The following STRAP variants were observed in gnomAD, a reference collection of about 807,000 sequenced individuals.
STRAP encodes serine/threonine kinase receptor associated protein.
STRAP carries 16 observed loss-of-function variants against 47.0 expected under a neutral mutation model. That is an observed-to-expected ratio of 0.34 (90% CI 0.23 to 0.52). STRAP has a LOEUF of 0.52. STRAP is among the 20% of genes least tolerant of loss of function. The pLI is 0.96. For synonymous variants in STRAP, 130 were observed against 142.7 expected, an observed-to-expected ratio of 0.91 and a Z score of 0.63; for missense variants, 293 against 420.0, an observed-to-expected ratio of 0.70 and a Z score of 2.64.
chr12:15,885,188 T>G (rs868189311), intron 2 of STRAP, among the ~76,000 whole-genome samples: 4 of 148,204 alleles, frequency 2.7e-5, no homozygotes, highest in East Asian at 1.9e-4. Context: ...GTGTTTTTTT[T>G]TTTTTTTTTT....
In STRAP at chr12:15,890,094, T is replaced by C. The variant is rs1367022865; in HGVS notation, c.330+85T>C. ...CTTTTATACTTGATTGGTGTGTATA[T>C]TTGATTGATATGTTTTGTGTGGAAT... On this transcript the variant is annotated intron_variant, in intron 3 of 9. Coordinates refer to ENST00000419869, the MANE Select transcript of STRAP (RefSeq NM_007178.4). The surrounding 1 kb of genome is among the most constrained non-coding windows in gnomAD (Gnocchi z 4.5). 6.9e-6 allele frequency: 8 copies of C among 1,164,772 alleles called. No homozygotes were observed. The East Asian group carries it at 1.4e-4, about 21-fold the overall frequency. The allele number at this position is 1,164,772 out of a possible 1,614,324, so 72.2% of individuals were successfully genotyped here. A position where few individuals can be genotyped will look rare whatever the true frequency, so the allele number is the denominator to read the frequency against.
chr12:15,883,530 A>G lies in STRAP; in HGVS notation c.113-11A>G. ...ACTTATAAATTACATGTTTTAAAAAATATTTTCTAGATGGTAAACCTATGC... is the reference window on the plus strand; with the variant it reads ...ACTTATAAATTACATGTTTTAAAAAGTATTTTCTAGATGGTAAACCTATGC... On this transcript the variant is annotated splice_polypyrimidine_tract_variant and intron_variant, in intron 1 of 9. Transcript: ENST00000419869. The G allele has an allele frequency of 6.2e-7, 1 of 1,607,762 alleles. No individual in the cohort carries two copies. The highest frequency in any genetic ancestry group is 8.5e-7 in the Non-Finnish European group (1 of 1,178,408).
At position 15,890,156 on chromosome 12, in the gene STRAP, G is replaced by A; in HGVS notation, c.330+147G>A. ...CTTGGTTCATATTTGATTTGATTGTGTATTAAGCTCTATGAATTTGTTTCA... is the reference window on the plus strand; with the variant it reads ...CTTGGTTCATATTTGATTTGATTGTATATTAAGCTCTATGAATTTGTTTCA... On this transcript the variant is annotated intron_variant, in intron 3 of 9. Transcript: ENST00000419869. The surrounding 1 kb of genome is among the most constrained non-coding windows in gnomAD (Gnocchi z 4.5). The A allele has an allele frequency of 1.3e-6, 1 of 784,490 alleles. No homozygotes were observed. The highest frequency in any genetic ancestry group is 2.1e-6 in the Non-Finnish European group (1 of 486,322). 48.6% of individuals were successfully genotyped at this position (784,490 alleles called of 1,614,324 possible).
chr12:15,882,572 CCTT>C lies in STRAP; in HGVS notation c.-132_-130del, dbSNP rs1288183851. ...CCTAACCTCGGTGCCACCGGATTGC[CCTT>C]CTTTTCCTGTTGCCCAGCCCAGCCC... is the stretch of plus-strand genomic sequence containing the variant. On this transcript the variant is annotated 5_prime_UTR_variant, in exon 1 of 10. Transcript: ENST00000419869. 16 of 704,360 alleles carry C rather than the reference CCTT, an allele frequency of 2.3e-5. No homozygotes were observed. Among genetic ancestry groups the C allele is most frequent in the East Asian group, 1.9e-4 (7 of 36,842 alleles). 43.6% of individuals were successfully genotyped at this position (704,360 alleles called of 1,614,324 possible). A position where few individuals can be genotyped will look rare whatever the true frequency, so the allele number is the denominator to read the frequency against.
At chr12:15,882,882 G>A in intron 1 of STRAP, 63 bp downstream of exon 1, 2 of 1,511,738 alleles carry the variant, frequency 1.3e-6, no homozygotes, top group Non-Finnish European at 1.8e-6. Flanking sequence ...ATCGGGACCC[G>A]CACGCTCCAG....
At chr12:15,898,177 GTTTTAACCA>G (rs1948075541) in intron 7 of STRAP, 159 bp downstream of exon 7, 1 of 533,192 alleles carries the variant, frequency 1.9e-6, no homozygotes, top group South Asian at 3.6e-5. Context: ...AAGTAAAGGA[GTTTTAACCA>G]TTTGGGTCAG....
At chr12:15,886,002 A>G (rs1947967703) in intron 2 of STRAP, among the ~76,000 whole-genome samples, 1 of 152,106 alleles carries the variant, frequency 6.6e-6, no homozygotes, top group Non-Finnish European at 1.5e-5. Context: ...CCTTCAAACT[A>G]TTTGGCCTCA....
intron 2 of STRAP, among the ~76,000 whole-genome samples, chr12:15,884,831 C>G (rs1335670166): frequency 6.6e-6 from 1 of 152,122 alleles, no homozygotes; most frequent in South Asian, 2.1e-4. Context: ...GGACACATTT[C>G]AATTGTTGGC....
intron 4 of STRAP, among the ~76,000 whole-genome samples, chr12:15,893,559 T>G (rs561522123): frequency 4.1e-5 from 6 of 146,406 alleles, no homozygotes; most frequent in African/African-American, 1.5e-4. Context: ...ATATTTATTA[T>G]ACTTATACAA....
Position 15,895,432 on chromosome 12 carries a change from A to G in STRAP, c.574A>G (p.Ile192Val). 5.0e-6 allele frequency: 8 copies of G among 1,608,116 alleles called. No homozygotes were observed. The highest frequency in any genetic ancestry group is 6.8e-6 in the Non-Finnish European group (8 of 1,178,434). Residue 192 changes from isoleucine to valine, a missense_variant, in exon 6 of 10, where the codon ATT (isoleucine) becomes GTT (valine). Coordinates refer to ENST00000419869, the MANE Select transcript of STRAP (RefSeq NM_007178.4). Reference protein sequence around the residue: ...FNMSVSSMEYIPEGEILVITY... With the variant: ...FNMSVSSMEYVPEGEILVITY... ...TATGTCTGTTAGTAGTATGGAATAT[A>G]TTCCTGAGGGAGAGATTTTGGTTAT... is the stretch of plus-strand genomic sequence containing the variant.
At chr12:15,892,988 C>T (rs1055050830) in intron 4 of STRAP, among the ~76,000 whole-genome samples, 25 of 152,108 alleles carry the variant, frequency 1.6e-4, no homozygotes, top group African/African-American at 4.8e-4. Context: ...AAGCCCTATT[C>T]GCATTTGTAA....
chr12:15,898,183 A>G (rs1316962399), intron 7 of STRAP, 165 bp downstream of exon 7: 1 of 487,166 alleles, frequency 2.1e-6, no homozygotes, highest in Non-Finnish European at 3.2e-6. Context: ...AGGAGTTTTA[A>G]CCATTTGGGT....
intron 4 of STRAP, among the ~76,000 whole-genome samples, chr12:15,892,934 A>G (rs950933473): frequency 2.0e-5 from 3 of 152,212 alleles, no homozygotes; most frequent in Non-Finnish European, 4.4e-5. Context: ...CTGTGCTGGC[A>G]GCAGAAAATA....
chr12:15,891,682 C>T (rs1223310605), intron 4 of STRAP, among the ~76,000 whole-genome samples: 1 of 152,196 alleles, frequency 6.6e-6, no homozygotes, highest in Non-Finnish European at 1.5e-5. Flanking sequence ...GTGGCTCACG[C>T]CTGTAATCCC....
chr12:15,902,762 A>C (rs1948115400), intron 9 of STRAP, among the ~76,000 whole-genome samples, 155 bp from the exon 10 acceptor site: 1 of 151,788 alleles, frequency 6.6e-6, no homozygotes, highest in Non-Finnish European at 1.5e-5. Flanking sequence ...TCTAGTTGTT[A>C]GTGGCATGTG....
chr12:15,889,655 CT>C, intron 2 of STRAP, among the ~76,000 whole-genome samples: 1 of 152,088 alleles, frequency 6.6e-6, no homozygotes, highest in Admixed American at 6.6e-5. Context: ...ATGAATCTTA[CT>C]TGCTTAAATT....
intron 1 of STRAP, 108 bp downstream of exon 1, chr12:15,882,927 C>A: frequency 7.4e-7 from 1 of 1,345,516 alleles, no homozygotes. Flanking sequence ...GGGGAGGGGG[C>A]GATATTAACA....
chr12:15,900,909 T>C (rs1463113882), intron 8 of STRAP, 38 bp from the exon 9 acceptor site: 1 of 1,535,486 alleles, frequency 6.5e-7, no homozygotes, highest in East Asian at 2.4e-5. Context: ...ACTTTAATAG[T>C]GTAAGTCATA....
intron 8 of STRAP, 55 bp from the exon 9 acceptor site, chr12:15,900,892 G>A (rs2136114228): frequency 7.2e-7 from 1 of 1,396,370 alleles, no homozygotes; most frequent in Non-Finnish European, 9.5e-7. Context: ...ATTGAACACT[G>A]GAAATTACTT....
Sources: allele counts gnomAD v4.1 joint callset (sites outside exome capture counted in the v4.1 genomes callset), GRCh38; gene constraint gnomAD v4.1.1; non-coding constraint Gnocchi (gnomAD v3.1); transcripts MANE v1.5; gene names NCBI Gene and HGNC (gene_info 2026-07-23, HGNC 2026-07-21).